LYSMD2: variants seen among roughly 807,000 people sequenced by gnomAD.
LYSMD2 encodes the protein lysM and putative peptidoglycan-binding domain-containing protein 2.
In LYSMD2, 6 loss-of-function variants were observed where a neutral mutation model predicts 17.7. That is an observed-to-expected ratio of 0.34 (90% CI 0.19 to 0.67). The LOEUF is 0.67. Among genes scored for constraint, LYSMD2 ranks in the 30% least tolerant of loss-of-function variants. The pLI is 0.69. For missense variants in LYSMD2, 237 were observed against 286.7 expected (o/e 0.83, Z 1.25); for synonymous variants, 102 against 129.8 (o/e 0.79, Z 1.45).
At chr15:51,728,895 C>G (rs2055558386) in intron 1 of LYSMD2, among the ~76,000 whole-genome samples, 1 of 151,988 alleles carries the variant, frequency 6.6e-6, no homozygotes, top group Admixed American at 6.6e-5. Flanking sequence ...TTTGTTTCTC[C>G]CCCAAAGTAA....
chr15:51,737,922 G>C (rs1291830038), upstream of LYSMD2: 1 of 218,408 alleles, frequency 4.6e-6, no homozygotes. This position sits in a 1 kb window ranked among gnomAD's most constrained non-coding sequence, Gnocchi z 4.2. Context: ...GCCGGGGAGC[G>C]CTGAAGCCCG....
chr15:51,737,682 TCCGCCG>T, upstream of LYSMD2: 2 of 1,111,472 alleles, frequency 1.8e-6, no homozygotes, highest in Non-Finnish European at 1.1e-6. The surrounding 1 kb of genome is among the most constrained non-coding windows in gnomAD (Gnocchi z 4.2). Context: ...CTCCTCCTCC[TCCGCCG>T]CCGCCGCCGC....
In LYSMD2 at chr15:51,737,262, T is replaced by TGCCCCCCCCCCCCCCCCC; in HGVS notation, c.273+87_273+88insGGGGGGGGGGGGGGGGGC. The TGCCCCCCCCCCCCCCCCC allele has an allele frequency of 1.6e-4, 22 of 134,032 alleles. No homozygotes were observed. The highest frequency in any genetic ancestry group is 1.1e-3 in the East Asian group (6 of 5,308). 8.3% of individuals were successfully genotyped at this position (134,032 alleles called of 1,614,324 possible). A position where few individuals can be genotyped will look rare whatever the true frequency, so the allele number is the denominator to read the frequency against. On this transcript the variant is annotated intron_variant, in intron 1 of 2. Transcript: ENST00000267838. The surrounding 1 kb of genome is among the most constrained non-coding windows in gnomAD (Gnocchi z 4.2). The stretch of plus-strand genomic sequence containing the variant: ...CCATCCCCCAAACCCCCACCCGCAG[T>TGCCCCCCCCCCCCCCCCC]CCCACCCCCACCCCCACCGCACCCC...
chr15:51,725,218 T>C (rs1366896327), intron 1 of LYSMD2, 97 bp from the exon 2 acceptor site: 3 of 716,518 alleles, frequency 4.2e-6, no homozygotes, highest in Non-Finnish European at 6.8e-6. Context: ...ATAAGCAAAA[T>C]GTACACAATG....
chr15:51,740,538 T>G (rs2055637670), upstream of LYSMD2, among the ~76,000 whole-genome samples: 1 of 152,186 alleles, frequency 6.6e-6, no homozygotes, highest in Non-Finnish European at 1.5e-5. Flanking sequence ...AAATGAAGAT[T>G]GAAAAGAAAT....
Position 51,723,358 on chromosome 15 carries a change from A to C in LYSMD2, c.*249T>G, listed in dbSNP as rs866602074. 4 of 367,808 alleles carry C rather than the reference A, an allele frequency of 1.1e-5. No homozygotes were observed. The highest frequency in any genetic ancestry group is 4.2e-5 in the African/African-American group (2 of 47,198). The allele number at this position is 367,808 out of a possible 1,614,324, so 22.8% of individuals were successfully genotyped here. A position where few individuals can be genotyped will look rare whatever the true frequency, so the allele number is the denominator to read the frequency against. On this transcript the variant is annotated 3_prime_UTR_variant, in exon 3 of 3. Transcript: ENST00000267838. Reference sequence around the variant, plus strand: ...TTTATAAAAGCTAGTCTAAAAACTAACACCACCTACAAAAGTGATGAGCTT... The same window carrying C: ...TTTATAAAAGCTAGTCTAAAAACTACCACCACCTACAAAAGTGATGAGCTT...
In LYSMD2 at chr15:51,737,257, C is replaced by CCCCG; in HGVS notation, c.273+92_273+93insCGGG. On this transcript the variant is annotated intron_variant, in intron 1 of 2. Coordinates refer to ENST00000267838, the MANE Select transcript of LYSMD2 (RefSeq NM_153374.3). The surrounding 1 kb of genome is among the most constrained non-coding windows in gnomAD (Gnocchi z 4.2). The stretch of plus-strand genomic sequence containing the variant: ...ACTCCCCATCCCCCAAACCCCCACC[C>CCCCG]GCAGTCCCACCCCCACCCCCACCGC... 1 of 335,084 alleles carries CCCCG rather than the reference C, an allele frequency of 3.0e-6. No individual in the cohort carries two copies. Among genetic ancestry groups the CCCCG allele is most frequent in the Non-Finnish European group, 4.8e-6 (1 of 209,138 alleles). The allele number at this position is 335,084 out of a possible 1,614,324, so 20.8% of individuals were successfully genotyped here. A position where few individuals can be genotyped will look rare whatever the true frequency, so the allele number is the denominator to read the frequency against.
intron 1 of LYSMD2, among the ~76,000 whole-genome samples, chr15:51,746,414 A>G (rs1270957583): frequency 2.6e-5 from 4 of 152,228 alleles, no homozygotes; most frequent in Non-Finnish European, 5.9e-5. Flanking sequence ...TCTAGAGAAG[A>G]CAAAAAATAA....
intron 1 of LYSMD2, 59 bp from the exon 2 acceptor site, chr15:51,725,180 A>C (rs1362583560): frequency 9.4e-7 from 1 of 1,059,766 alleles, no homozygotes; most frequent in Non-Finnish European, 1.4e-6. Flanking sequence ...AGTAAGATTT[A>C]TTATACAATA....
At chr15:51,747,204 CCAA>C (rs373911081) in intron 1 of LYSMD2, among the ~76,000 whole-genome samples, 10,922 of 139,290 alleles carry the variant, frequency 0.078, 498 homozygotes, top group African/African-American at 0.12. Flanking sequence ...TGTCTCAAAA[CCAA>C]CAACAACAAC....
chr15:51,747,441 A>C (rs1264853155), intron 1 of LYSMD2, among the ~76,000 whole-genome samples: 1 of 152,182 alleles, frequency 6.6e-6, no homozygotes, highest in Admixed American at 6.5e-5. Flanking sequence ...TGGTGAGCCG[A>C]GATCACGCCA....
intron 1 of LYSMD2, among the ~76,000 whole-genome samples, chr15:51,731,079 G>A (rs2141595099): frequency 6.6e-6 from 1 of 152,326 alleles, no homozygotes; most frequent in South Asian, 2.1e-4. Context: ...GACTGAAGAA[G>A]GAAACAAAGA....
chr15:51,737,477 G>T lies in LYSMD2; in HGVS notation c.146C>A (p.Thr49Asn), dbSNP rs892489365. The T allele has an allele frequency of 1.4e-6, 2 of 1,416,916 alleles. No individual in the cohort carries two copies. Among genetic ancestry groups the T allele is most frequent in the Non-Finnish European group, 1.8e-6 (2 of 1,087,798 alleles). 87.8% of individuals were successfully genotyped at this position (1,416,916 alleles called of 1,614,324 possible). A position where few individuals can be genotyped will look rare whatever the true frequency, so the allele number is the denominator to read the frequency against. Residue 49 changes from threonine (T) to asparagine (N), a missense_variant, in exon 1 of 3, where the codon ACC (threonine) becomes AAC (asparagine). Thr to Asn is a moderately conservative substitution (Grantham distance 65, BLOSUM62 0). Coordinates refer to ENST00000267838, the MANE Select transcript of LYSMD2 (RefSeq NM_153374.3). This position sits in a 1 kb window ranked among gnomAD's most constrained non-coding sequence, Gnocchi z 4.2. ...ELSLSLARTK[T>N]RSYGSTASVR... is the part of the protein sequence containing the mutation. ...GCTGGCGGTGCTGCCGTACGAGCGGGTCTTGGTGCGGGCCAGGCTCAGCGA... is the reference window on the plus strand; with the variant it reads ...GCTGGCGGTGCTGCCGTACGAGCGGTTCTTGGTGCGGGCCAGGCTCAGCGA...
upstream of LYSMD2, among the ~76,000 whole-genome samples, chr15:51,739,126 TCCCACCTG>T (rs755048262): frequency 1.1e-3 from 174 of 152,352 alleles, 2 homozygotes; most frequent in Non-Finnish European, 9.1e-4. Flanking sequence ...GGTCCCTTTT[TCCCACCTG>T]CCCAACTGTT....
At chr15:51,733,597 G>T (rs2055590271) in intron 1 of LYSMD2, among the ~76,000 whole-genome samples, 1 of 151,954 alleles carries the variant, frequency 6.6e-6, no homozygotes, top group South Asian at 2.1e-4. Context: ...GGCAATGAGG[G>T]AACAAATCAC....
upstream of LYSMD2, among the ~76,000 whole-genome samples, chr15:51,741,982 G>C (rs2055645116): frequency 6.7e-6 from 1 of 149,954 alleles, no homozygotes; most frequent in African/African-American, 2.4e-5. Flanking sequence ...TATTCACAAT[G>C]TTATGCAACT....
chr15:51,747,782 T>C (rs987853103), intron 1 of LYSMD2, among the ~76,000 whole-genome samples: 13 of 152,234 alleles, frequency 8.5e-5, no homozygotes, highest in African/African-American at 3.1e-4. Flanking sequence ...AACATGATCA[T>C]GATTACATAG....
At position 51,734,212 on chromosome 15, in the gene LYSMD2, A is replaced by C. The variant is rs558998920; in HGVS notation, c.273+3138T>G. ...ACAAAAACAAACAAACAAACAAAAC[A>C]GAGACTCCTAGACTCCTTTTCTGGG... On this transcript the variant is annotated intron_variant, in intron 1 of 2. Coordinates refer to ENST00000267838, the MANE Select transcript of LYSMD2 (RefSeq NM_153374.3). Among the ~76,000 whole-genome samples, 57 of 152,254 alleles carry C rather than the reference A, an allele frequency of 3.7e-4. 1 individual carries two copies. Among genetic ancestry groups the C allele is most frequent in the Middle Eastern group, 3.4e-3 (1 of 294 alleles).
chr15:51,725,083 A>G lies in LYSMD2; in HGVS notation c.312T>C (p.Asn104=), dbSNP rs1351866329. Reference sequence around the variant, plus strand: ...AAGTTTTCTTCAGAAATATACAATCATTGGTAAACAGTTTATTGGCCCTTT... The same window carrying G: ...AAGTTTTCTTCAGAAATATACAATCGTTGGTAAACAGTTTATTGGCCCTTT... ...QIKRANKLFT[N]DCIFLKKTLN... Residue 104 remains asparagine (N), a synonymous_variant, in exon 2 of 3, where the codon AAT becomes AAC. Coordinates refer to ENST00000267838, the MANE Select transcript of LYSMD2 (RefSeq NM_153374.3). 1 of 1,610,834 alleles carries G rather than the reference A, an allele frequency of 6.2e-7. No individual in the cohort carries two copies. The highest frequency in any genetic ancestry group is 8.5e-7 in the Non-Finnish European group (1 of 1,177,608).
Sources: gnomAD v4.1 joint callset for allele counts (sites outside exome capture counted in the v4.1 genomes callset) on GRCh38, gnomAD v4.1.1 for gene constraint, Gnocchi (gnomAD v3.1) non-coding constraint, MANE v1.5 for transcripts, NCBI Gene and HGNC (gene_info 2026-07-23, HGNC 2026-07-21) for gene names.